COBLL1: variants seen among roughly 807,000 people sequenced by gnomAD.
COBLL1 encodes the protein cordon-bleu protein-like 1.
In COBLL1, 50 loss-of-function variants were observed where a neutral mutation model predicts 94.8. The ratio of observed to expected loss-of-function variants is 0.53; its 90% CI spans 0.42 to 0.67. COBLL1 has a LOEUF of 0.67. Ranked by LOEUF, COBLL1 falls within the 30% of genes least tolerant of loss-of-function variation. The pLI, the probability that COBLL1 is intolerant of heterozygous loss-of-function variation, is 0.00. For missense variants in COBLL1, 1,362 were observed against 1,348.7 expected (o/e 1.01, Z -0.15); for synonymous variants, 448 against 473.8 (o/e 0.95, Z 0.71).
At chr2:164,698,350 T>C (rs1159176073) in intron 11 of COBLL1, 2 of 150,668 alleles carry the variant, frequency 1.3e-5, no homozygotes, top group Non-Finnish European at 3.0e-5. Flanking sequence ...GTAGCACACA[T>C]AATCAAGTTA....
intron 9 of COBLL1, among the ~76,000 whole-genome samples, chr2:164,701,998 C>T (rs1448656210): frequency 6.6e-6 from 1 of 151,694 alleles, no homozygotes; most frequent in Non-Finnish European, 1.5e-5. Context: ...ATTTAAAGTA[C>T]TTAAAATATA....
chr2:164,769,057 G>T (rs1251861405), intron 2 of COBLL1, among the ~76,000 whole-genome samples: 1 of 152,078 alleles, frequency 6.6e-6, no homozygotes, highest in Non-Finnish European at 1.5e-5. Flanking sequence ...GAAGCATCTA[G>T]AATATTTATT....
At chr2:164,732,162 A>G (rs926699272) in intron 3 of COBLL1, among the ~76,000 whole-genome samples, 4 of 152,194 alleles carry the variant, frequency 2.6e-5, no homozygotes, top group Non-Finnish European at 5.9e-5. Flanking sequence ...AAAGAAAAAT[A>G]AATAAATCAA....
intron 2 of COBLL1, chr2:164,840,943 T>G (rs1289877539): frequency 4.7e-6 from 2 of 421,410 alleles, no homozygotes; most frequent in African/African-American, 2.1e-5. Context: ...GCAGCCCCGG[T>G]AGGAAGGCAA....
chr2:164,754,717 C>T (rs1687304969), intron 2 of COBLL1, among the ~76,000 whole-genome samples: 1 of 152,216 alleles, frequency 6.6e-6, no homozygotes, highest in Admixed American at 6.5e-5. Context: ...TCTTTGCAAT[C>T]CAAGAACCTT....
intron 11 of COBLL1, chr2:164,698,042 T>C (rs1684044254): frequency 6.6e-6 from 1 of 151,916 alleles, no homozygotes; most frequent in Non-Finnish European, 1.5e-5. Flanking sequence ...ACAACTAGAG[T>C]TGACAAAAGT....
intron 2 of COBLL1, among the ~76,000 whole-genome samples, chr2:164,665,235 A>T (rs758253541): frequency 2.0e-5 from 3 of 151,698 alleles, no homozygotes; most frequent in Non-Finnish European, 4.4e-5. Context: ...GGAGGCTGAG[A>T]CATGAGAATC....
intron 2 of COBLL1, among the ~76,000 whole-genome samples, chr2:164,775,167 A>AAAG (rs2105260723): frequency 6.6e-6 from 1 of 150,658 alleles, no homozygotes; most frequent in African/African-American, 2.4e-5. Flanking sequence ...TAAAAAAAAA[A>AAAG]ATGCATTCAT....
intron 13 of COBLL1, among the ~76,000 whole-genome samples, chr2:164,691,927 C>T (rs901019280): frequency 6.6e-5 from 10 of 152,188 alleles, no homozygotes; most frequent in Middle Eastern, 3.4e-3. Flanking sequence ...GAGTCTTTCT[C>T]GAGGTGCTAA....
chr2:164,841,727 A>C lies in COBLL1; in HGVS notation c.-68T>G, dbSNP rs1202368708. The C allele has an allele frequency of 2.0e-6, 1 of 510,080 alleles. No individual in the cohort carries two copies. The highest frequency in any genetic ancestry group is 3.4e-6 in the Non-Finnish European group (1 of 291,078). 31.6% of individuals were successfully genotyped at this position (510,080 alleles called of 1,614,324 possible). On this transcript the variant is annotated 5_prime_UTR_variant, in exon 1 of 14. Transcript: ENST00000652658. This position sits in a 1 kb window ranked among gnomAD's most constrained non-coding sequence, Gnocchi z 5.5. ...GCTCCTACGTTCTTTTCCAAAGGAG[A>C]CAGTAGCTCGCCTGTTCTCCCTCGC...
chr2:164,764,938 G>A (rs1286148439), intron 2 of COBLL1, among the ~76,000 whole-genome samples: 1 of 152,074 alleles, frequency 6.6e-6, no homozygotes, highest in East Asian at 1.9e-4. Context: ...AGTTCATACA[G>A]AAATATAACA....
chr2:164,733,817 G>A (rs1453540446), intron 3 of COBLL1, among the ~76,000 whole-genome samples: 4 of 152,120 alleles, frequency 2.6e-5, no homozygotes, highest in East Asian at 1.9e-4. Flanking sequence ...TGATGGAAAC[G>A]TTCTATATCT....
At chr2:164,818,996 T>C (rs1037503) in intron 2 of COBLL1, among the ~76,000 whole-genome samples, 35,157 of 151,574 alleles carry the variant, frequency 0.23, 4,432 homozygotes, top group African/African-American at 0.34. Context: ...ATCTTGAACT[T>C]GTGGCCTCAA....
At chr2:164,732,281 C>A (rs1339933304) in intron 3 of COBLL1, among the ~76,000 whole-genome samples, 1 of 152,158 alleles carries the variant, frequency 6.6e-6, no homozygotes, top group Non-Finnish European at 1.5e-5. Context: ...AAGAGTTTTA[C>A]ATCCTTCTTT....
chr2:164,705,345 A>G (rs1684532033), intron 7 of COBLL1: 1 of 340,958 alleles, frequency 2.9e-6, no homozygotes, highest in Non-Finnish European at 5.2e-6. Context: ...ACTGCCACAC[A>G]AACAACTAAC....
chr2:164,833,400 T>C (rs920364340), intron 2 of COBLL1, among the ~76,000 whole-genome samples: 1 of 151,810 alleles, frequency 6.6e-6, no homozygotes, highest in Non-Finnish European at 1.5e-5. Flanking sequence ...GAACTAAGTG[T>C]TCAACTTTCT....
chr2:164,659,175 C>A (rs917704798), intron 2 of COBLL1, among the ~76,000 whole-genome samples: 3 of 152,116 alleles, frequency 2.0e-5, no homozygotes, highest in African/African-American at 7.2e-5. Flanking sequence ...AATTCTAGTG[C>A]CCGAGTGAGG....
chr2:164,757,426 T>A (rs577452659), intron 2 of COBLL1, among the ~76,000 whole-genome samples: 1 of 152,312 alleles, frequency 6.6e-6, no homozygotes, highest in East Asian at 1.9e-4. Context: ...CCCTGTTACA[T>A]TTTTGTTTCC....
intron 2 of COBLL1, among the ~76,000 whole-genome samples, chr2:164,817,484 G>C (rs1684826617): frequency 6.6e-6 from 1 of 151,780 alleles, no homozygotes; most frequent in South Asian, 2.1e-4. Context: ...TGAAGAACTT[G>C]CACAGTTTCA....
Sources: gnomAD v4.1 joint callset for allele counts (sites outside exome capture counted in the v4.1 genomes callset) on GRCh38, gnomAD v4.1.1 for gene constraint, Gnocchi (gnomAD v3.1) non-coding constraint, MANE v1.5 for transcripts, NCBI Gene and HGNC (gene_info 2026-07-23, HGNC 2026-07-21) for gene names.